STXBP5L: variants seen among roughly 807,000 people sequenced by gnomAD.
STXBP5L encodes syntaxin binding protein 5L.
Under a neutral mutation model 144.5 loss-of-function variants are expected in STXBP5L, and 65 were observed. The ratio of observed to expected loss-of-function variants is 0.45; its 90% CI spans 0.37 to 0.55. The LOEUF is 0.55. Among genes scored for constraint, STXBP5L ranks in the 20% least tolerant of loss-of-function variants. The probability of loss-of-function intolerance (pLI) is 0.00; values close to 1 mark genes in which losing one functional copy is unlikely to be tolerated. For missense variants in STXBP5L, 1,298 were observed against 1,405.5 expected (o/e 0.92, Z 1.22); for synonymous variants, 505 against 469.6 (o/e 1.08, Z -0.97).
intron 3 of STXBP5L, among the ~76,000 whole-genome samples, chr3:121,010,338 G>C (rs1488683787): frequency 6.6e-6 from 1 of 151,760 alleles, no homozygotes; most frequent in Admixed American, 6.6e-5. Flanking sequence ...TCAATTGATA[G>C]GCTCTGGATC....
chr3:120,944,498 C>T (rs1379610093), intron 2 of STXBP5L, among the ~76,000 whole-genome samples: 1 of 151,376 alleles, frequency 6.6e-6, no homozygotes, highest in Non-Finnish European at 1.5e-5. Context: ...ATATATATTT[C>T]CAAATATAAA....
At chr3:120,976,320 G>C (rs555572006) in intron 3 of STXBP5L, among the ~76,000 whole-genome samples, 1 of 152,286 alleles carries the variant, frequency 6.6e-6, no homozygotes, top group South Asian at 2.1e-4. Context: ...AGATTTTCTA[G>C]TTTATTTGTG....
chr3:120,921,146 T>C (rs1297646727), intron 2 of STXBP5L, among the ~76,000 whole-genome samples: 2 of 151,998 alleles, frequency 1.3e-5, no homozygotes, highest in African/African-American at 4.8e-5. Context: ...CATTATTACC[T>C]GTCTCTTTTA....
chr3:121,127,816 C>G (rs1188716737), intron 7 of STXBP5L, among the ~76,000 whole-genome samples: 1 of 151,980 alleles, frequency 6.6e-6, no homozygotes, highest in African/African-American at 2.4e-5. Context: ...CCAATTTCCT[C>G]AAACACTTCT....
chr3:121,233,527 T>G (rs1175175808), intron 11 of STXBP5L, 89 bp from the exon 12 acceptor site: 1 of 874,930 alleles, frequency 1.1e-6, no homozygotes, highest in East Asian at 2.9e-5. Flanking sequence ...ATTTAAATAA[T>G]ATTTGTATAG....
At chr3:121,170,734 C>T (rs1318989118) in intron 9 of STXBP5L, among the ~76,000 whole-genome samples, 1 of 152,022 alleles carries the variant, frequency 6.6e-6, no homozygotes, top group African/African-American at 2.4e-5. Context: ...CAGCACCAGA[C>T]GGATTCACAG....
chr3:121,058,963 T>G (rs148578105), intron 5 of STXBP5L, among the ~76,000 whole-genome samples: 17,009 of 152,164 alleles, frequency 0.11, 1,043 homozygotes, highest in Non-Finnish European at 0.14. Flanking sequence ...CTGTGCAGAA[T>G]CTCTTTAGTT....
intron 9 of STXBP5L, among the ~76,000 whole-genome samples, chr3:121,171,986 A>G (rs1022391090): frequency 6.6e-6 from 1 of 152,216 alleles, no homozygotes; most frequent in Non-Finnish European, 1.5e-5. Context: ...ACAGCATGGT[A>G]GTGGTACCAA....
At chr3:121,333,313 T>C (rs763739964) in intron 20 of STXBP5L, among the ~76,000 whole-genome samples, 4 of 152,108 alleles carry the variant, frequency 2.6e-5, no homozygotes, top group Non-Finnish European at 4.4e-5. Context: ...AATCAAGAAG[T>C]TCTTTGAAAC....
At chr3:121,017,261 C>G (rs1228295097) in intron 3 of STXBP5L, among the ~76,000 whole-genome samples, 1 of 152,114 alleles carries the variant, frequency 6.6e-6, no homozygotes, top group Non-Finnish European at 1.5e-5. Context: ...TAAAAACCCT[C>G]AACAAACTAG....
intron 3 of STXBP5L, among the ~76,000 whole-genome samples, chr3:121,019,937 C>T (rs942751820): frequency 1.3e-5 from 2 of 152,016 alleles, no homozygotes; most frequent in African/African-American, 4.8e-5. Flanking sequence ...CTCTGAATTG[C>T]CAGAAAAAGA....
chr3:120,945,565 A>C (rs1173321376), intron 2 of STXBP5L, among the ~76,000 whole-genome samples: 1 of 151,822 alleles, frequency 6.6e-6, no homozygotes, highest in Non-Finnish European at 1.5e-5. Context: ...AATATGTCCA[A>C]ATATGTTGAA....
intron 2 of STXBP5L, among the ~76,000 whole-genome samples, chr3:120,918,851 A>G (rs1365925789): frequency 6.6e-6 from 1 of 152,130 alleles, no homozygotes; most frequent in Non-Finnish European, 1.5e-5. Context: ...TTTTGTGTAT[A>G]TTAATGAAAA....
At chr3:121,409,259 G>A (rs192702011) in intron 23 of STXBP5L, among the ~76,000 whole-genome samples, 1 of 151,970 alleles carries the variant, frequency 6.6e-6, no homozygotes, top group African/African-American at 2.4e-5. Flanking sequence ...ATAAGATGCA[G>A]CAAAGGAGAT....
At chr3:121,065,405 C>G (rs938485486) in intron 5 of STXBP5L, among the ~76,000 whole-genome samples, 1 of 152,054 alleles carries the variant, frequency 6.6e-6, no homozygotes, top group Non-Finnish European at 1.5e-5. Flanking sequence ...TAAACACACA[C>G]ACATGTCTTT....
At chr3:120,975,902 T>A (rs1224184496) in intron 3 of STXBP5L, among the ~76,000 whole-genome samples, 1 of 152,166 alleles carries the variant, frequency 6.6e-6, no homozygotes, top group Non-Finnish European at 1.5e-5. Flanking sequence ...GCCCACTTGA[T>A]CATGGTGGAT....
intron 20 of STXBP5L, among the ~76,000 whole-genome samples, chr3:121,322,031 C>A (rs1454850414): frequency 6.6e-6 from 1 of 152,060 alleles, no homozygotes; most frequent in Non-Finnish European, 1.5e-5. Context: ...CTCTAGTAGC[C>A]CCCAGTGTCT....
intron 19 of STXBP5L, among the ~76,000 whole-genome samples, chr3:121,317,273 C>A (rs1414237440): frequency 6.6e-6 from 1 of 152,126 alleles, no homozygotes; most frequent in Non-Finnish European, 1.5e-5. Context: ...GCTCTATAAG[C>A]AATTGAAATA....
At chr3:121,318,064 A>T (rs950020914) in intron 19 of STXBP5L, among the ~76,000 whole-genome samples, 11 of 152,114 alleles carry the variant, frequency 7.2e-5, no homozygotes, top group African/African-American at 2.4e-4. Flanking sequence ...AAAAATAGTT[A>T]AAAAAGGATT....
Sources: gnomAD v4.1 joint callset for allele counts (sites outside exome capture counted in the v4.1 genomes callset) on GRCh38, gnomAD v4.1.1 for gene constraint, MANE v1.5 for transcripts, NCBI Gene and HGNC (gene_info 2026-07-23, HGNC 2026-07-21) for gene names.